The following CRTC1 variants were observed in gnomAD, a reference collection of about 807,000 sequenced individuals.
The protein encoded by CRTC1 is CREB-regulated transcription coactivator 1.
CRTC1 carries 18 observed loss-of-function variants against 66.1 expected under a neutral mutation model. The ratio of observed to expected loss-of-function variants is 0.27; its 90% CI spans 0.19 to 0.40. CRTC1 has a LOEUF of 0.40. Ranked by LOEUF, CRTC1 falls within the 10% of genes least tolerant of loss-of-function variation. The probability of loss-of-function intolerance (pLI) is 1.00; values close to 1 mark genes in which losing one functional copy is unlikely to be tolerated. For missense variants in CRTC1, 669 were observed against 887.9 expected (o/e 0.75, Z 3.13); for synonymous variants, 416 against 398.8 (o/e 1.04, Z -0.51).
intron 1 of CRTC1, among the ~76,000 whole-genome samples, chr19:18,736,858 G>A (rs1190549156): frequency 1.3e-5 from 2 of 152,212 alleles, no homozygotes; most frequent in African/African-American, 2.4e-5. Context: ...AGGTTGGCCG[G>A]TTGCCATGGC....
In CRTC1 at chr19:18,768,849, C is replaced by G. The variant is rs2054798728; in HGVS notation, c.1320+56C>G. 1 of 1,526,116 alleles carries G rather than the reference C, an allele frequency of 6.6e-7. No homozygotes were observed. Among genetic ancestry groups the G allele is most frequent in the African/African-American group, 1.4e-5 (1 of 71,844 alleles). 94.5% of individuals were successfully genotyped at this position (1,526,116 alleles called of 1,614,324 possible). A position where few individuals can be genotyped will look rare whatever the true frequency, so the allele number is the denominator to read the frequency against. On this transcript the variant is annotated intron_variant, in intron 10 of 13. Coordinates refer to ENST00000321949, the MANE Select transcript of CRTC1 (RefSeq NM_015321.3). This position sits in a 1 kb window ranked among gnomAD's most constrained non-coding sequence, Gnocchi z 5.6. ...GACTGGGGGTCTTGTAGAGGACAGC[C>G]CGGGGGCTGCAGAACAGTCGGGTTA... is the stretch of plus-strand genomic sequence containing the variant.
At chr19:18,730,298 C>G (rs1172430212) in intron 1 of CRTC1, among the ~76,000 whole-genome samples, 1 of 152,122 alleles carries the variant, frequency 6.6e-6, no homozygotes, top group Non-Finnish European at 1.5e-5. Flanking sequence ...TCCCCTGGAT[C>G]TGCTGGGGCA....
chr19:18,775,872 G>T (rs573601544), intron 13 of CRTC1, 51 bp downstream of exon 13: 17 of 1,502,802 alleles, frequency 1.1e-5, no homozygotes, highest in Non-Finnish European at 1.4e-5. Flanking sequence ...GCCTCAGCCC[G>T]TGCGGAGACA....
At chr19:18,713,976 G>A (rs1300104702) in intron 1 of CRTC1, among the ~76,000 whole-genome samples, 1 of 152,176 alleles carries the variant, frequency 6.6e-6, no homozygotes, top group Non-Finnish European at 1.5e-5. Flanking sequence ...ACTAAAAATA[G>A]CAGCCACATG....
At chr19:18,752,162 A>AG (rs2054378256) in intron 5 of CRTC1, among the ~76,000 whole-genome samples, 1 of 151,420 alleles carries the variant, frequency 6.6e-6, no homozygotes, top group Non-Finnish European at 1.5e-5. Flanking sequence ...AAAAAAAAAA[A>AG]AAGAAAGAAA....
At chr19:18,705,248 A>C (rs992655470) in intron 1 of CRTC1, among the ~76,000 whole-genome samples, 9 of 152,098 alleles carry the variant, frequency 5.9e-5, no homozygotes, top group African/African-American at 2.2e-4. Flanking sequence ...ATTGGTGTAC[A>C]TCTCTTTGAG....
chr19:18,777,181 G>C lies in CRTC1; in HGVS notation c.1704G>C (p.Glu568Asp). The change falls in exon 14 of 14, where the codon GAG (glutamate) becomes GAC (aspartate). Residue 568 changes from glutamate to aspartate, a missense_variant. Physicochemically the swap from Glu to Asp is conservative, Grantham distance 45. This residue lies in a region of CRTC1 where 91 missense variants were observed against 99.1 expected (regional missense o/e 0.92). Coordinates refer to ENST00000321949, the MANE Select transcript of CRTC1 (RefSeq NM_015321.3). The surrounding 1 kb of genome is among the most constrained non-coding windows in gnomAD (Gnocchi z 5.5). ...CACCCCATCCCCCAGTGACAGGAGA[G>C]TCCCCCCCCAGCCTCTCTAAAGAAC... is the stretch of plus-strand genomic sequence containing the variant. ...IPNIILTVTG[E>D]SPPSLSKELT... 1.3e-6 allele frequency: 2 copies of C among 1,583,920 alleles called. No homozygotes were observed. Among genetic ancestry groups the C allele is most frequent in the Non-Finnish European group, 8.6e-7 (1 of 1,159,674 alleles).
intron 6 of CRTC1, among the ~76,000 whole-genome samples, chr19:18,759,011 G>A (rs377689541): frequency 3.3e-4 from 51 of 152,272 alleles, no homozygotes; most frequent in Middle Eastern, 6.8e-3. Context: ...GTGGTACAGC[G>A]TTGGGAGTGT....
At chr19:18,724,709 C>T (rs1472862696) in intron 1 of CRTC1, among the ~76,000 whole-genome samples, 1 of 149,588 alleles carries the variant, frequency 6.7e-6, no homozygotes, top group Non-Finnish European at 1.5e-5. Context: ...AAAAGGGCAG[C>T]AGTCACCCGA....
chr19:18,767,392 T>A (rs2054760747), intron 9 of CRTC1, among the ~76,000 whole-genome samples: 1 of 151,952 alleles, frequency 6.6e-6, no homozygotes, highest in Non-Finnish European at 1.5e-5. Flanking sequence ...AGAGACAGAG[T>A]TTCGTCTTGT....
In CRTC1 at chr19:18,760,346, G is replaced by A. The variant is rs2054586494; in HGVS notation, c.886+118G>A. The A allele has an allele frequency of 7.8e-6, 7 of 897,556 alleles. No individual in the cohort carries two copies. The highest frequency in any genetic ancestry group is 1.7e-5 in the African/African-American group (1 of 60,212). The allele number at this position is 897,556 out of a possible 1,614,324, so 55.6% of individuals were successfully genotyped here. ...ATACTAGGGCATGGGGGACAGGGCT[G>A]GGGGGCGGCCGACAGGCTGACCCAG... On this transcript the variant is annotated intron_variant, in intron 8 of 13. Coordinates refer to ENST00000321949, the MANE Select transcript of CRTC1 (RefSeq NM_015321.3). The surrounding 1 kb of genome is among the most constrained non-coding windows in gnomAD (Gnocchi z 6.2).
intron 4 of CRTC1, among the ~76,000 whole-genome samples, chr19:18,747,587 C>T (rs529852851): frequency 1.3e-5 from 2 of 152,016 alleles, no homozygotes; most frequent in Admixed American, 6.6e-5. Flanking sequence ...GAGCCAAGAT[C>T]GAGCCACTGC....
intron 10 of CRTC1, among the ~76,000 whole-genome samples, chr19:18,769,528 G>T (rs1392223115): frequency 6.6e-6 from 1 of 152,252 alleles, no homozygotes; most frequent in Non-Finnish European, 1.5e-5. Flanking sequence ...AGCCGCCTGA[G>T]CTGGGTGGGG....
At position 18,760,474 on chromosome 19, in the gene CRTC1, A is replaced by G. The variant is rs1028253875; in HGVS notation, c.886+246A>G. On this transcript the variant is annotated intron_variant, in intron 8 of 13. Transcript: ENST00000321949. This position sits in a 1 kb window ranked among gnomAD's most constrained non-coding sequence, Gnocchi z 6.2. ...CAGACAGTGGGTTTGAGGGTGTGTG[A>G]TGGTGCTTTGGGGAGTCCAGGAGGG... 6.6e-6 allele frequency among the ~76,000 whole-genome samples: 1 copy of G among 151,958 alleles called. No individual in the cohort carries two copies. The highest frequency in any genetic ancestry group is 2.4e-5 in the African/African-American group (1 of 41,352).
chr19:18,701,398 TG>T (rs757012895), intron 1 of CRTC1, among the ~76,000 whole-genome samples: 36 of 152,244 alleles, frequency 2.4e-4, no homozygotes, highest in Admixed American at 3.9e-4. Context: ...CGGCCCGTGG[TG>T]GGTGCACACC....
At chr19:18,695,017 C>T (rs903667408) in intron 1 of CRTC1, among the ~76,000 whole-genome samples, 7 of 151,134 alleles carry the variant, frequency 4.6e-5, no homozygotes, top group South Asian at 2.1e-4. Flanking sequence ...ACTATAGGCA[C>T]GCGCCACCAT....
chr19:18,725,152 T>C (rs2053718755), intron 1 of CRTC1, among the ~76,000 whole-genome samples: 1 of 152,102 alleles, frequency 6.6e-6, no homozygotes, highest in Non-Finnish European at 1.5e-5. Context: ...TAGGCCAGCG[T>C]CCCTGTGCGA....
intron 2 of CRTC1, among the ~76,000 whole-genome samples, chr19:18,743,721 A>G (rs138961718): frequency 0.011 from 1,622 of 152,252 alleles, 24 homozygotes; most frequent in African/African-American, 0.035. Flanking sequence ...GGCCCCTCCC[A>G]AGTCACCCAC....
chr19:18,736,259 C>G (rs2145700107), intron 1 of CRTC1, among the ~76,000 whole-genome samples: 1 of 152,322 alleles, frequency 6.6e-6, no homozygotes, highest in South Asian at 2.1e-4. Context: ...CATCAGCCTT[C>G]CCAGAACTCC....
Sources: gnomAD v4.1 joint callset for allele counts (sites outside exome capture counted in the v4.1 genomes callset) on GRCh38, gnomAD v4.1.1 for gene constraint, gnomAD v4.1.1 regional missense constraint, Gnocchi (gnomAD v3.1) non-coding constraint, MANE v1.5 for transcripts, NCBI Gene and HGNC (gene_info 2026-07-23, HGNC 2026-07-21) for gene names.